The following NUP98 variants were observed in gnomAD, a reference collection of about 807,000 sequenced individuals.
NUP98 encodes the protein nucleoporin 98 and 96 precursor.
In NUP98, 26 loss-of-function variants were observed where a neutral mutation model predicts 191.9. That is an observed-to-expected ratio of 0.14 (90% CI 0.10 to 0.19). The LOEUF (loss-of-function observed/expected upper bound fraction) is 0.19. Ranked by LOEUF, NUP98 falls within the 10% of genes least tolerant of loss-of-function variation. NUP98 has a pLI of 1.00. For synonymous variants in NUP98, 808 were observed against 778.4 expected (o/e 1.04, Z -0.63); for missense variants, 1,941 against 2,178.8 (o/e 0.89, Z 2.17).
Position 3,676,137 on chromosome 11 carries a change from T to C in NUP98, c.*22A>G. The C allele has an allele frequency of 1.9e-6, 3 of 1,608,924 alleles. No homozygotes were observed. The highest frequency in any genetic ancestry group is 2.5e-6 in the Non-Finnish European group (3 of 1,176,682). On this transcript the variant is annotated 3_prime_UTR_variant, in exon 33 of 33. Coordinates refer to ENST00000324932, the MANE Select transcript of NUP98 (RefSeq NM_016320.5). ...TGTGTGGTGTGAATGGGCATGTGACTGTGATGCAAAGTGCCTGGGGCTCAC... is the reference window on the plus strand; with the variant it reads ...TGTGTGGTGTGAATGGGCATGTGACCGTGATGCAAAGTGCCTGGGGCTCAC...
chr11:3,770,804 G>C (rs1276623932), intron 7 of NUP98, among the ~76,000 whole-genome samples: 1 of 152,090 alleles, frequency 6.6e-6, no homozygotes, highest in African/African-American at 2.4e-5. Context: ...TTAAACCAAT[G>C]CATCGGCAAA....
intron 7 of NUP98, among the ~76,000 whole-genome samples, chr11:3,770,531 TTAGA>T (rs775736412): frequency 2.0e-4 from 30 of 148,606 alleles, no homozygotes; most frequent in Admixed American, 7.4e-4. Flanking sequence ...TAAATATAAC[TTAGA>T]TAAATACGTA....
At chr11:3,745,340 T>A (rs943525491) in intron 11 of NUP98, among the ~76,000 whole-genome samples, 31 of 152,290 alleles carry the variant, frequency 2.0e-4, no homozygotes, top group African/African-American at 7.5e-4. Flanking sequence ...ACAAACTTGT[T>A]TTACAAAAAG....
At chr11:3,704,187 T>A (rs896369815) in intron 22 of NUP98, among the ~76,000 whole-genome samples, 4 of 152,228 alleles carry the variant, frequency 2.6e-5, no homozygotes, top group African/African-American at 9.6e-5. Flanking sequence ...TTAAAAATAT[T>A]TTTAAAAAGC....
intron 30 of NUP98, among the ~76,000 whole-genome samples, chr11:3,680,462 T>C (rs1018258324): frequency 6.6e-6 from 1 of 152,228 alleles, no homozygotes; most frequent in African/African-American, 2.4e-5. Flanking sequence ...TTCAAACTCA[T>C]CCATGAGGGC....
intron 15 of NUP98, among the ~76,000 whole-genome samples, chr11:3,724,358 A>C (rs2079528117): frequency 6.6e-6 from 1 of 151,640 alleles, no homozygotes; most frequent in Non-Finnish European, 1.5e-5. Flanking sequence ...TTGCTTGAAC[A>C]ATTCACATCA....
chr11:3,781,175 G>T (rs990790598), intron 2 of NUP98, among the ~76,000 whole-genome samples: 6 of 119,414 alleles, frequency 5.0e-5, no homozygotes, highest in African/African-American at 2.1e-4. Context: ...GACAGTGCAG[G>T]ATCCTATCTC....
At chr11:3,737,150 T>C (rs1466772769) in intron 12 of NUP98, among the ~76,000 whole-genome samples, 4 of 151,958 alleles carry the variant, frequency 2.6e-5, no homozygotes, top group African/African-American at 9.7e-5. Context: ...ACCCAAAACA[T>C]AATAAAGTCA....
At chr11:3,710,726 T>C (rs1466333301) in intron 20 of NUP98, among the ~76,000 whole-genome samples, 1 of 152,186 alleles carries the variant, frequency 6.6e-6, no homozygotes, top group Non-Finnish European at 1.5e-5. Flanking sequence ...CCACTGGCAT[T>C]TCCCATCAGC....
At chr11:3,777,620 CAAAAAAAAAAA>C (rs35614116) in intron 4 of NUP98, among the ~76,000 whole-genome samples, 145 of 59,482 alleles carry the variant, frequency 2.4e-3, no homozygotes, top group East Asian at 1.0e-3. Context: ...GACTCCGTCT[CAAAAAAAAAAA>C]AAAAAAAAAA....
chr11:3,708,157 G>A (rs2078918825), intron 20 of NUP98, among the ~76,000 whole-genome samples: 1 of 152,102 alleles, frequency 6.6e-6, no homozygotes, highest in African/African-American at 2.4e-5. Flanking sequence ...ATGGTTTATG[G>A]CTGTTTTCTG....
intron 20 of NUP98, among the ~76,000 whole-genome samples, chr11:3,708,550 G>A (rs558430401): frequency 6.9e-4 from 105 of 152,180 alleles, no homozygotes; most frequent in African/African-American, 2.5e-3. Flanking sequence ...AAGGGGGAAG[G>A]GAATTACTAT....
intron 12 of NUP98, among the ~76,000 whole-genome samples, chr11:3,741,900 G>C (rs1329685224): frequency 6.6e-6 from 1 of 152,204 alleles, no homozygotes; most frequent in Non-Finnish European, 1.5e-5. Context: ...ATATTAAATT[G>C]TGTGGAATGA....
intron 11 of NUP98, among the ~76,000 whole-genome samples, chr11:3,750,527 C>T (rs1012516790): frequency 2.6e-5 from 4 of 152,166 alleles, no homozygotes; most frequent in Admixed American, 2.6e-4. Context: ...TCAACTACAG[C>T]ACATGCAATG....
At chr11:3,743,259 C>T (rs2080352663) in intron 12 of NUP98, among the ~76,000 whole-genome samples, 1 of 151,416 alleles carries the variant, frequency 6.6e-6, no homozygotes, top group Admixed American at 6.6e-5. Context: ...CCTCGTGATC[C>T]ACCCGCCTCG....
chr11:3,686,960 A>G (rs1364613372), intron 28 of NUP98, among the ~76,000 whole-genome samples: 2 of 152,006 alleles, frequency 1.3e-5, no homozygotes, highest in Non-Finnish European at 2.9e-5. Flanking sequence ...GCACTCTGAC[A>G]GGGTGAGACT....
chr11:3,731,273 A>C (rs2079836852), intron 14 of NUP98, 118 bp downstream of exon 14: 1 of 711,718 alleles, frequency 1.4e-6, no homozygotes. Context: ...CAAAAACAAA[A>C]ACAAAAACAA....
At chr11:3,704,965 A>G (rs968312580) in intron 22 of NUP98, among the ~76,000 whole-genome samples, 4 of 152,270 alleles carry the variant, frequency 2.6e-5, no homozygotes, top group Admixed American at 2.6e-4. Context: ...GTGCGACTGC[A>G]TAACTGCACT....
intron 25 of NUP98, among the ~76,000 whole-genome samples, chr11:3,698,467 C>G (rs1367013259): frequency 6.6e-6 from 1 of 151,894 alleles, no homozygotes. Flanking sequence ...GTGGCTCACA[C>G]CTGTAATTCC....
Sources: gnomAD v4.1 joint callset for allele counts (sites outside exome capture counted in the v4.1 genomes callset) on GRCh38, gnomAD v4.1.1 for gene constraint, MANE v1.5 for transcripts, NCBI Gene and HGNC (gene_info 2026-07-23, HGNC 2026-07-21) for gene names.